The following CXCL13 variants were observed in gnomAD, a reference collection of about 807,000 sequenced individuals.
CXCL13 encodes C-X-C motif chemokine 13.
A neutral mutation model predicts 12.2 loss-of-function variants in CXCL13; 7 were observed. That is an observed-to-expected ratio of 0.57 (90% CI 0.33 to 1.07). The LOEUF is 1.07. CXCL13 is among the 50% of genes least tolerant of loss of function. The pLI is 0.04. For missense variants in CXCL13, 113 were observed against 127.4 expected (o/e 0.89, Z 0.55); for synonymous variants, 47 against 42.4 (o/e 1.11, Z -0.42).
intron 1 of CXCL13, among the ~76,000 whole-genome samples, chr4:77,530,916 C>G (rs1022741076): frequency 6.6e-6 from 1 of 151,786 alleles, no homozygotes; most frequent in Non-Finnish European, 1.5e-5. Context: ...GCATTTAGTG[C>G]TATAAATTTC....
intron 1 of CXCL13, among the ~76,000 whole-genome samples, chr4:77,540,007 C>T (rs988631889): frequency 4.6e-5 from 7 of 152,106 alleles, no homozygotes; most frequent in African/African-American, 1.7e-4. Context: ...CAGGGAGATG[C>T]TGACAGTTGT....
intron 1 of CXCL13, among the ~76,000 whole-genome samples, chr4:77,564,943 C>A (rs1725890269): frequency 6.6e-6 from 1 of 152,186 alleles, no homozygotes; most frequent in African/African-American, 2.4e-5. Context: ...CATCCACAGA[C>A]CTTGGGGAGC....
chr4:77,559,724 C>A (rs1725756490), intron 1 of CXCL13, among the ~76,000 whole-genome samples: 1 of 151,990 alleles, frequency 6.6e-6, no homozygotes, highest in South Asian at 2.1e-4. Context: ...AGATCGAGAC[C>A]ACCCTGGCTA....
chr4:77,577,486 TG>T (rs752068059), intron 1 of CXCL13, among the ~76,000 whole-genome samples: 7 of 151,990 alleles, frequency 4.6e-5, no homozygotes, highest in Non-Finnish European at 1.0e-4. Flanking sequence ...TGCAGGTGAG[TG>T]TGACTAATTC....
intron 1 of CXCL13, among the ~76,000 whole-genome samples, chr4:77,529,191 A>G (rs1180889877): frequency 1.3e-5 from 2 of 152,150 alleles, no homozygotes; most frequent in South Asian, 2.1e-4. Context: ...GCCTTGTAGC[A>G]TAGTTTGAGG....
At chr4:77,575,383 A>G (rs1284089332) in intron 1 of CXCL13, among the ~76,000 whole-genome samples, 1 of 151,666 alleles carries the variant, frequency 6.6e-6, no homozygotes, top group Non-Finnish European at 1.5e-5. Flanking sequence ...TCCCATGTTG[A>G]TTTGCTGCAC....
chr4:77,583,878 G>T (rs1726393243), intron 1 of CXCL13, among the ~76,000 whole-genome samples: 1 of 152,110 alleles, frequency 6.6e-6, no homozygotes, highest in Admixed American at 6.5e-5. Context: ...TGTTTTCTTT[G>T]TTTGTTTTGT....
intron 1 of CXCL13, among the ~76,000 whole-genome samples, chr4:77,557,034 A>AAGAGAG (rs145165710): frequency 1.3e-4 from 20 of 151,596 alleles, no homozygotes; most frequent in African/African-American, 4.6e-4. Context: ...TAAAAAATAA[A>AAGAGAG]AGAGAGAGAG....
In CXCL13 at chr4:77,573,006, T is replaced by C. The variant is rs543501849; in HGVS notation, c.-42-32818T>C. ...GGAAAAAAAAACTGAATACCACATG[T>C]TCTCACTTATAAGTGGGAGCTAAAT... On this transcript the variant is annotated intron_variant, in intron 1 of 4. Transcript: ENST00000286758. Among the ~76,000 whole-genome samples, 3 of 152,008 alleles carry C rather than the reference T, an allele frequency of 2.0e-5. No individual in the cohort carries two copies. In the South Asian group the frequency reaches 6.2e-4, roughly 31 times the overall value.
intron 1 of CXCL13, among the ~76,000 whole-genome samples, chr4:77,555,363 GA>G (rs1334393651): frequency 6.6e-6 from 1 of 151,894 alleles, no homozygotes; most frequent in Non-Finnish European, 1.5e-5. Context: ...AAGAAACAGG[GA>G]AACCTAATAG....
intron 1 of CXCL13, among the ~76,000 whole-genome samples, chr4:77,568,309 A>C (rs1198810615): frequency 6.6e-6 from 1 of 152,180 alleles, no homozygotes; most frequent in East Asian, 1.9e-4. Context: ...TTCTAGCTTG[A>C]TAGCCTGTTT....
At chr4:77,534,323 G>T (rs1264173997) in intron 1 of CXCL13, among the ~76,000 whole-genome samples, 1 of 152,176 alleles carries the variant, frequency 6.6e-6, no homozygotes, top group Non-Finnish European at 1.5e-5. Context: ...ATTTGTAACA[G>T]TACAAACCTG....
chr4:77,581,114 T>C (rs1354070362), intron 1 of CXCL13, among the ~76,000 whole-genome samples: 1 of 152,034 alleles, frequency 6.6e-6, no homozygotes, highest in East Asian at 1.9e-4. Flanking sequence ...AGGGGAGTGA[T>C]AGCTAAAGAA....
chr4:77,572,191 A>G (rs916497701), intron 1 of CXCL13, among the ~76,000 whole-genome samples: 1 of 151,890 alleles, frequency 6.6e-6, no homozygotes, highest in South Asian at 2.1e-4. Context: ...ACCTGAGGTC[A>G]GGAGTTCAAG....
At chr4:77,539,118 G>A (rs768769225) in intron 1 of CXCL13, among the ~76,000 whole-genome samples, 10 of 151,154 alleles carry the variant, frequency 6.6e-5, no homozygotes, top group Non-Finnish European at 1.5e-4. Context: ...AGGCTGGAGG[G>A]CAGTGGCGTG....
intron 1 of CXCL13, among the ~76,000 whole-genome samples, chr4:77,598,680 G>A (rs1003151490): frequency 3.3e-5 from 5 of 152,142 alleles, no homozygotes; most frequent in East Asian, 1.9e-4. Flanking sequence ...AGGTTATTGC[G>A]GAAAACTTTT....
chr4:77,563,301 G>A (rs1013876443), intron 1 of CXCL13, among the ~76,000 whole-genome samples: 20 of 152,174 alleles, frequency 1.3e-4, no homozygotes, highest in Admixed American at 1.2e-3. Context: ...GAGAGTTAGT[G>A]TCTAAATTCC....
At position 77,598,760 on chromosome 4, in the gene CXCL13, C is replaced by T. The variant is rs556067259; in HGVS notation, c.-42-7064C>T. Among the ~76,000 whole-genome samples, 32 of 152,190 alleles carry T rather than the reference C, an allele frequency of 2.1e-4. 1 individual carries two copies. The highest frequency in any genetic ancestry group is 3.2e-4 in the Non-Finnish European group (22 of 67,988). On this transcript the variant is annotated intron_variant, in intron 1 of 4. Coordinates refer to the CXCL13 transcript ENST00000286758. ...CTACAGAAGGAAGGTGAGGTGTCGC[C>T]CAACTCTAAGCTTTGAAAATATTCA...
chr4:77,523,385 T>G (rs1378726466), intron 1 of CXCL13, among the ~76,000 whole-genome samples: 1 of 152,212 alleles, frequency 6.6e-6, no homozygotes, highest in Non-Finnish European at 1.5e-5. Flanking sequence ...GAGTCGCATA[T>G]TTCTTGGAGG....
Sources: gnomAD v4.1 joint callset for allele counts (sites outside exome capture counted in the v4.1 genomes callset) on GRCh38, gnomAD v4.1.1 for gene constraint, MANE v1.5 for transcripts, NCBI Gene and HGNC (gene_info 2026-07-23, HGNC 2026-07-21) for gene names.